The following FAM135B variants were observed in gnomAD, a reference collection of about 807,000 sequenced individuals.
FAM135B encodes protein FAM135B.
Under a neutral mutation model 127.7 loss-of-function variants are expected in FAM135B, and 43 were observed. The ratio of observed to expected loss-of-function variants is 0.34; its 90% CI spans 0.26 to 0.43. The LOEUF is 0.43. Ranked by LOEUF, FAM135B falls within the 20% of genes least tolerant of loss-of-function variation. The pLI is 1.00. For missense variants in FAM135B, 1,558 were observed against 1,725.6 expected, an observed-to-expected ratio of 0.90 and a Z score of 1.72; for synonymous variants, 670 against 665.1, an observed-to-expected ratio of 1.01 and a Z score of -0.11.
intron 1 of FAM135B, among the ~76,000 whole-genome samples, chr8:138,398,864 T>C (rs1200750303): frequency 6.6e-6 from 1 of 152,194 alleles, no homozygotes; most frequent in Non-Finnish European, 1.5e-5. Context: ...TCCCAGCCTC[T>C]ATTTCCCCTA....
At chr8:138,244,022 G>A (rs1352078902) in intron 6 of FAM135B, among the ~76,000 whole-genome samples, 1 of 152,168 alleles carries the variant, frequency 6.6e-6, no homozygotes, top group Non-Finnish European at 1.5e-5. Flanking sequence ...AGAAACATTT[G>A]TGGAAGGGCT....
intron 11 of FAM135B, among the ~76,000 whole-genome samples, chr8:138,171,868 G>GTGCA (rs1377808763): frequency 1.3e-5 from 2 of 152,202 alleles, no homozygotes; most frequent in Non-Finnish European, 2.9e-5. Flanking sequence ...TGGCATGTGT[G>GTGCA]CATGTATGTT....
intron 1 of FAM135B, among the ~76,000 whole-genome samples, chr8:138,456,664 A>T (rs934759668): frequency 1.3e-5 from 2 of 152,146 alleles, no homozygotes; most frequent in Admixed American, 1.3e-4. Flanking sequence ...CTCATTTTAA[A>T]GTTTTCCTAG....
chr8:138,337,509 T>C (rs1828695519), intron 2 of FAM135B, among the ~76,000 whole-genome samples: 1 of 151,482 alleles, frequency 6.6e-6, no homozygotes, highest in Non-Finnish European at 1.5e-5. Flanking sequence ...CCATTCACAA[T>C]TGCTTCAAAG....
At chr8:138,170,907 C>T (rs146982034) in intron 11 of FAM135B, among the ~76,000 whole-genome samples, 71 of 152,258 alleles carry the variant, frequency 4.7e-4, no homozygotes, top group African/African-American at 1.7e-3. Context: ...TCATCTCTCA[C>T]TCTCTCTTGG....
chr8:138,294,951 A>G (rs1825369154), intron 3 of FAM135B, among the ~76,000 whole-genome samples: 3 of 151,996 alleles, frequency 2.0e-5, no homozygotes, highest in Admixed American at 6.5e-5. Context: ...ATATAAGTCT[A>G]TTTCCTCTGG....
In FAM135B at chr8:138,325,117, C is replaced by T. The variant is rs961641628; in HGVS notation, c.78-14197G>A. ...GAGGATTCCCTAGAAATCATTAACC[C>T]CCTTAGATTAAAAAAAAATCAGAAA... On this transcript the variant is annotated intron_variant, in intron 2 of 19. Coordinates refer to ENST00000395297, the MANE Select transcript of FAM135B (RefSeq NM_015912.4). 4.2e-4 allele frequency among the ~76,000 whole-genome samples: 12 copies of T among 28,586 alleles called. No individual in the cohort carries two copies. The Admixed American group carries it at 6.3e-3, about 15-fold the overall frequency. 18.8% of individuals were successfully genotyped at this position (28,586 alleles called of 152,430 possible). A position where few individuals can be genotyped will look rare whatever the true frequency, so the allele number is the denominator to read the frequency against.
At chr8:138,287,900 C>A (rs1824822097) in intron 3 of FAM135B, among the ~76,000 whole-genome samples, 1 of 152,090 alleles carries the variant, frequency 6.6e-6, no homozygotes, top group Admixed American at 6.5e-5. Flanking sequence ...TAATACATAC[C>A]AACAAGTTAG....
At chr8:138,403,239 C>G (rs1469267021) in intron 1 of FAM135B, among the ~76,000 whole-genome samples, 2 of 152,062 alleles carry the variant, frequency 1.3e-5, no homozygotes, top group African/African-American at 2.4e-5. Context: ...AGAGGCAAAC[C>G]CCTTCTCTCC....
chr8:138,141,333 G>A lies in FAM135B; in HGVS notation c.3655C>T (p.Leu1219Phe), dbSNP rs2130599043. The A allele has an allele frequency of 6.2e-7, 1 of 1,614,152 alleles. No homozygotes were observed. Among genetic ancestry groups the A allele is most frequent in the East Asian group, 2.2e-5 (1 of 44,876 alleles). ...ACCGATCGGATGATGATGTTGCCAA[G>A]AGAATGGCCAATGAAGCTGTGGAGA... ...ISRISFIGHS[L>F]GNIIIRSVLT... is the part of the protein sequence containing the mutation. Residue 1219 changes from leucine (L) to phenylalanine (F), a missense_variant, in exon 17 of 20, where the codon CTT becomes TTT. Coordinates refer to ENST00000395297, the MANE Select transcript of FAM135B (RefSeq NM_015912.4). The surrounding 1 kb of genome is among the most constrained non-coding windows in gnomAD (Gnocchi z 4.7).
At chr8:138,288,322 T>C (rs1824850633) in intron 3 of FAM135B, among the ~76,000 whole-genome samples, 1 of 152,134 alleles carries the variant, frequency 6.6e-6, no homozygotes, top group Admixed American at 6.5e-5. Flanking sequence ...GTCATTTCTA[T>C]TATACAAAGG....
chr8:138,363,544 G>A (rs958497309), intron 2 of FAM135B, among the ~76,000 whole-genome samples: 12 of 152,136 alleles, frequency 7.9e-5, no homozygotes, highest in Non-Finnish European at 4.4e-5. Context: ...GATTCTTGAT[G>A]ACTGGTTTGA....
intron 2 of FAM135B, among the ~76,000 whole-genome samples, chr8:138,313,621 G>A (rs188246187): frequency 4.7e-5 from 7 of 149,632 alleles, no homozygotes; most frequent in Admixed American, 2.0e-4. Context: ...CTCCCACTTC[G>A]GCTCCCCAAA....
chr8:138,176,913 C>T (rs77331085), intron 11 of FAM135B, among the ~76,000 whole-genome samples: 2,005 of 152,294 alleles, frequency 0.013, 49 homozygotes, highest in African/African-American at 0.046. Flanking sequence ...GCAAACTTAG[C>T]AATTCATCAG....
At chr8:138,214,424 G>A (rs1277878878) in intron 7 of FAM135B, among the ~76,000 whole-genome samples, 1 of 152,122 alleles carries the variant, frequency 6.6e-6, no homozygotes, top group Non-Finnish European at 1.5e-5. Context: ...AACTCTACTA[G>A]AAAATGAAAA....
rs1359186728 is a variant in FAM135B, at chr8:138,374,346, T to C, written c.-19-6344A>G. ...CAGAATGGTAACTAATTAAACTGAC[T>C]TTTGTAGAGTATTAAAAATGTTCTC... On this transcript the variant is annotated intron_variant, in intron 1 of 19. Coordinates refer to ENST00000395297, the MANE Select transcript of FAM135B (RefSeq NM_015912.4). Among the ~76,000 whole-genome samples the C allele has an allele frequency of 3.3e-5, 5 of 152,194 alleles. No homozygotes were observed. The East Asian group carries it at 9.6e-4, about 29-fold the overall frequency.
intron 1 of FAM135B, among the ~76,000 whole-genome samples, chr8:138,457,631 C>T (rs1327792372): frequency 6.6e-6 from 1 of 152,120 alleles, no homozygotes; most frequent in Non-Finnish European, 1.5e-5. Flanking sequence ...TTTCATCATC[C>T]TTTATGCTTT....
At chr8:138,382,085 C>A (rs1831893283) in intron 1 of FAM135B, among the ~76,000 whole-genome samples, 2 of 152,154 alleles carry the variant, frequency 1.3e-5, no homozygotes, top group South Asian at 4.1e-4. Flanking sequence ...ATTAGCTTCA[C>A]AAGTGCAGCC....
intron 1 of FAM135B, among the ~76,000 whole-genome samples, chr8:138,391,354 G>C (rs1416348277): frequency 6.6e-6 from 1 of 151,902 alleles, no homozygotes; most frequent in Non-Finnish European, 1.5e-5. Flanking sequence ...CCTCCAGCAT[G>C]ATCTCCCCTC....
Sources: allele counts gnomAD v4.1 joint callset (sites outside exome capture counted in the v4.1 genomes callset), GRCh38; gene constraint gnomAD v4.1.1; non-coding constraint Gnocchi (gnomAD v3.1); transcripts MANE v1.5; gene names NCBI Gene and HGNC (gene_info 2026-07-23, HGNC 2026-07-21).